Variants in KCNN2 observed in about 807,000 individuals in gnomAD.
The protein encoded by KCNN2 is small conductance calcium-activated potassium channel protein 2.
In KCNN2, 24 loss-of-function variants were observed where a neutral mutation model predicts 55.5. The ratio of observed to expected loss-of-function variants is 0.43; its 90% confidence interval spans 0.31 to 0.61. The LOEUF is 0.61. Among genes scored for constraint, KCNN2 ranks in the 20% least tolerant of loss-of-function variants. The pLI, the probability that KCNN2 is intolerant of heterozygous loss-of-function variation, is 0.08. For synonymous variants in KCNN2, 431 were observed against 336.1 expected, an observed-to-expected ratio of 1.28 and a Z score of -3.09; for missense variants, 754 against 853.6, an observed-to-expected ratio of 0.88 and a Z score of 1.45.
chr5:114,229,126 T>C (rs1003055141), intron 2 of KCNN2, among the ~76,000 whole-genome samples: 15 of 152,046 alleles, frequency 9.9e-5, no homozygotes, highest in Non-Finnish European at 1.3e-4. Flanking sequence ...ATTTGATTAC[T>C]TTTCAGAACT....
intron 1 of KCNN2, among the ~76,000 whole-genome samples, chr5:114,108,520 T>C (rs756051381): frequency 6.6e-6 from 1 of 152,104 alleles, no homozygotes; most frequent in Admixed American, 6.6e-5. Flanking sequence ...CCTTATGCCC[T>C]GTTCCAGTAA....
chr5:114,482,931 G>A lies in KCNN2; in HGVS notation c.1891-4119G>A, dbSNP rs974962566. Among the ~76,000 whole-genome samples, 8 of 152,016 alleles carry A rather than the reference G, an allele frequency of 5.3e-5. No homozygotes were observed. In the East Asian group the frequency reaches 1.5e-3, roughly 29 times the overall value. ...TCAGGAAGAATAGCTAATGGACGCT[G>A]GGTTTAATAGCTGGGTGATGGAATG... On this transcript the variant is annotated intron_variant, in intron 5 of 7. Transcript: ENST00000673685.
At chr5:114,147,483 C>G (rs920810313) in intron 1 of KCNN2, among the ~76,000 whole-genome samples, 2 of 152,064 alleles carry the variant, frequency 1.3e-5, no homozygotes, top group Non-Finnish European at 2.9e-5. Context: ...GGAAGAAATA[C>G]CCATTCAACA....
At chr5:114,421,990 G>T (rs995381787) in intron 3 of KCNN2, among the ~76,000 whole-genome samples, 3 of 152,100 alleles carry the variant, frequency 2.0e-5, no homozygotes, top group African/African-American at 7.2e-5. Context: ...GGTCTTTTTT[G>T]TAAGAAGCCA....
At chr5:114,227,424 A>G (rs1754258527) in intron 2 of KCNN2, among the ~76,000 whole-genome samples, 1 of 152,122 alleles carries the variant, frequency 6.6e-6, no homozygotes, top group South Asian at 2.1e-4. Context: ...CTCATGCCCT[A>G]AAGTACCCCG....
chr5:114,210,582 T>C (rs957789116), intron 1 of KCNN2, among the ~76,000 whole-genome samples: 1 of 152,156 alleles, frequency 6.6e-6, no homozygotes, highest in Non-Finnish European at 1.5e-5. Context: ...GTATATACCA[T>C]TGTGATTATA....
intron 2 of KCNN2, among the ~76,000 whole-genome samples, chr5:114,346,611 C>G (rs1364540137): frequency 6.6e-6 from 1 of 151,798 alleles, no homozygotes; most frequent in Non-Finnish European, 1.5e-5. Context: ...TATATATACA[C>G]AGAGATAGAC....
At chr5:114,441,982 G>A (rs993855565) in intron 3 of KCNN2, among the ~76,000 whole-genome samples, 8 of 152,184 alleles carry the variant, frequency 5.3e-5, no homozygotes, top group Non-Finnish European at 1.2e-4. Flanking sequence ...GGTGGACTCA[G>A]GGATAGCTTT....
intron 2 of KCNN2, among the ~76,000 whole-genome samples, chr5:114,232,922 C>CTTTTTTTTTTTTT (rs1754390718): frequency 2.3e-5 from 1 of 44,042 alleles, no homozygotes; most frequent in African/African-American, 7.6e-5. Flanking sequence ...TATATTGTTT[C>CTTTTTTTTTTTTT]TTGTTTTTTT....
Position 114,308,416 on chromosome 5 carries a change from G to A in KCNN2, c.-184-52529G>A, listed in dbSNP as rs1367114558. Among the ~76,000 whole-genome samples the A allele has an allele frequency of 1.2e-4, 18 of 152,194 alleles. 1 individual carries two copies. Among genetic ancestry groups the A allele is most frequent in the Admixed American group, 1.1e-3 (17 of 15,272 alleles). ...GGGAAGTGAAGCAGAGAAGAAGAGA[G>A]ACTATACAATATTGCATTATCAAGT... On this transcript the variant is annotated intron_variant, in intron 2 of 10. Coordinates refer to the KCNN2 transcript ENST00000512097.
intron 5 of KCNN2, among the ~76,000 whole-genome samples, chr5:114,475,520 C>CCTT (rs1315141860): frequency 2.0e-5 from 3 of 152,076 alleles, no homozygotes; most frequent in Non-Finnish European, 4.4e-5. Flanking sequence ...ATTGTAATTT[C>CCTT]CTTTTTTGGA....
chr5:114,123,785 T>G (rs1175795519), intron 1 of KCNN2, among the ~76,000 whole-genome samples: 7 of 152,230 alleles, frequency 4.6e-5, no homozygotes, highest in Non-Finnish European at 8.8e-5. Context: ...GTTTTATTTC[T>G]CTTACACTGT....
At chr5:114,445,527 A>G (rs752981906) in intron 3 of KCNN2, among the ~76,000 whole-genome samples, 14 of 152,228 alleles carry the variant, frequency 9.2e-5, no homozygotes, top group Admixed American at 5.9e-4. Context: ...ACTGTGTTTT[A>G]AAACTATTTC....
At chr5:114,214,514 A>C (rs749086652) in intron 1 of KCNN2, among the ~76,000 whole-genome samples, 4 of 152,088 alleles carry the variant, frequency 2.6e-5, no homozygotes, top group Non-Finnish European at 5.9e-5. Context: ...GCCCCAGAGG[A>C]AATAGCTAGG....
At chr5:114,474,684 C>T (rs1383324385) in intron 5 of KCNN2, among the ~76,000 whole-genome samples, 3 of 152,042 alleles carry the variant, frequency 2.0e-5, no homozygotes, top group African/African-American at 7.2e-5. Flanking sequence ...CCTTTCAGGG[C>T]TCTATGCTGG....
intron 1 of KCNN2, among the ~76,000 whole-genome samples, chr5:114,113,672 A>AT (rs1347904731): frequency 2.6e-5 from 4 of 152,082 alleles, no homozygotes. Context: ...CAAAGGAAAG[A>AT]TTTTTTTAGC....
chr5:114,355,383 G>A (rs1424114187), intron 2 of KCNN2, among the ~76,000 whole-genome samples: 1 of 152,120 alleles, frequency 6.6e-6, no homozygotes, highest in African/African-American at 2.4e-5. Context: ...AATATACACT[G>A]GATTTCAAAG....
Position 114,161,119 on chromosome 5 carries a change from G to T in KCNN2, c.-270-60361G>T, listed in dbSNP as rs150754609. Among the ~76,000 whole-genome samples, 716 of 152,192 alleles carry T rather than the reference G, an allele frequency of 4.7e-3. 7 individuals carry two copies. Among genetic ancestry groups the T allele is most frequent in the Middle Eastern group, 0.01 (3 of 294 alleles). On this transcript the variant is annotated intron_variant, in intron 1 of 10. Coordinates refer to the KCNN2 transcript ENST00000512097. Reference sequence around the variant, plus strand: ...TAGCCTTGATGGTTTTCACAATTAGGCATGTTTTTGCAGTGGCTGGTACTG... The same window carrying T: ...TAGCCTTGATGGTTTTCACAATTAGTCATGTTTTTGCAGTGGCTGGTACTG...
chr5:114,256,458 G>C (rs983309801), intron 2 of KCNN2, among the ~76,000 whole-genome samples: 6 of 152,142 alleles, frequency 3.9e-5, no homozygotes, highest in African/African-American at 1.4e-4. Context: ...TCTCCATACT[G>C]TTGTCCATAG....
Sources: gnomAD v4.1 joint callset for allele counts (sites outside exome capture counted in the v4.1 genomes callset) on GRCh38, gnomAD v4.1.1 for gene constraint, MANE v1.5 for transcripts, NCBI Gene and HGNC (gene_info 2026-07-23, HGNC 2026-07-21) for gene names.